The following WDR11 variants were observed in gnomAD, a reference collection of about 807,000 sequenced individuals.
WDR11 encodes the protein WD repeat-containing protein 11.
Under a neutral mutation model 151.2 loss-of-function variants are expected in WDR11, and 83 were observed. That is an observed-to-expected ratio of 0.55 (90% confidence interval 0.46 to 0.66). The LOEUF (loss-of-function observed/expected upper bound fraction) is 0.66. Among genes scored for constraint, WDR11 ranks in the 30% least tolerant of loss-of-function variants. WDR11 has a pLI of 0.00. For synonymous variants in WDR11, 484 were observed against 533.1 expected (o/e 0.91, Z 1.27); for missense variants, 1,301 against 1,480.9 (o/e 0.88, Z 1.99).
chr10:120,899,885 G>C (rs1048346012), intron 19 of WDR11, 144 bp from the exon 20 acceptor site: 3 of 691,020 alleles, frequency 4.3e-6, no homozygotes, highest in Non-Finnish European at 7.7e-6. Flanking sequence ...TGTTTCCTAA[G>C]CGGTGACTAC....
chr10:120,883,987 A>AT (rs1478491373), intron 14 of WDR11, 99 bp downstream of exon 14: 3 of 999,266 alleles, frequency 3.0e-6, no homozygotes, highest in Non-Finnish European at 4.6e-6. Context: ...TGCCAATGTC[A>AT]TTTTTTTGGT....
intron 11 of WDR11, among the ~76,000 whole-genome samples, chr10:120,876,272 G>A (rs1004573320): frequency 6.6e-6 from 1 of 152,012 alleles, no homozygotes; most frequent in Non-Finnish European, 1.5e-5. Context: ...GAGCCACCGC[G>A]CCAGGCCAGG....
chr10:120,851,417 C>T lies in WDR11; in HGVS notation c.-4C>T, dbSNP rs200683907. On this transcript the variant is annotated 5_prime_UTR_variant, in exon 1 of 29. Coordinates refer to ENST00000263461, the MANE Select transcript of WDR11 (RefSeq NM_018117.12). ...AGCGCCCAGGTCCTGGGCTGGCCGC[C>T]GGGATGTTGCCCTACACAGTGAACT... is the stretch of plus-strand genomic sequence containing the variant. 1.1e-4 allele frequency: 182 copies of T among 1,608,930 alleles called. No individual in the cohort carries two copies. The East Asian group carries it at 3.3e-3, about 29-fold the overall frequency.
intron 19 of WDR11, among the ~76,000 whole-genome samples, chr10:120,894,521 T>G (rs1389749690): frequency 1.3e-5 from 2 of 152,168 alleles, no homozygotes; most frequent in East Asian, 3.8e-4. Flanking sequence ...TTAGCTCTCT[T>G]TTTCACCGTT....
At chr10:120,859,595 T>C (rs1846067570) in intron 3 of WDR11, among the ~76,000 whole-genome samples, 1 of 152,220 alleles carries the variant, frequency 6.6e-6, no homozygotes, top group Non-Finnish European at 1.5e-5. Context: ...ACTTAAGTCC[T>C]CCAGTGGCTC....
rs1482879976 is a variant in WDR11 at position 120,908,949 on chromosome 10, A to G, written c.*236A>G. 1.8e-6 allele frequency: 1 copy of G among 551,794 alleles called. No homozygotes were observed. Among genetic ancestry groups the G allele is most frequent in the Middle Eastern group, 5.0e-4 (1 of 2,018 alleles). The allele number at this position is 551,794 out of a possible 1,614,324, so 34.2% of individuals were successfully genotyped here. On this transcript the variant is annotated 3_prime_UTR_variant, in exon 29 of 29. Coordinates refer to ENST00000263461, the MANE Select transcript of WDR11 (RefSeq NM_018117.12). ...ATGCTTAAGATTTTGAAAGTACATAATATTTTATACTTTGGGAGAGAGCTT... is the reference window on the plus strand; with the variant it reads ...ATGCTTAAGATTTTGAAAGTACATAGTATTTTATACTTTGGGAGAGAGCTT...
intron 13 of WDR11, among the ~76,000 whole-genome samples, chr10:120,881,496 TAAC>T (rs998426225): frequency 7.8e-6 from 1 of 128,888 alleles, no homozygotes; most frequent in Non-Finnish European, 1.7e-5. Flanking sequence ...ATTGGTATCT[TAAC>T]AAGTTTTGTA....
rs1024130533 is a variant in WDR11 at position 120,862,146 on chromosome 10, G to GT, written c.527-577dup. Among the ~76,000 whole-genome samples, 628 of 146,302 alleles carry GT rather than the reference G, an allele frequency of 4.3e-3. 3 individuals are homozygous for GT. The highest frequency in any genetic ancestry group is 0.011 in the African/African-American group (447 of 39,840). On this transcript the variant is annotated intron_variant, in intron 4 of 28. Coordinates refer to ENST00000263461, the MANE Select transcript of WDR11 (RefSeq NM_018117.12). Reference sequence around the variant, plus strand: ...TTGTTTGTTTTTTGTTTTTGTTTTTGTTTTTTTTTTTTGAGATGGAATCTT... The same window carrying GT: ...TTGTTTGTTTTTTGTTTTTGTTTTTGTTTTTTTTTTTTTGAGATGGAATCTT...
intron 10 of WDR11, among the ~76,000 whole-genome samples, chr10:120,872,007 A>G (rs1179497312): frequency 6.6e-6 from 1 of 152,214 alleles, no homozygotes; most frequent in Admixed American, 6.5e-5. Flanking sequence ...CATTTCTCCA[A>G]AACTTCTGAA....
intron 21 of WDR11, among the ~76,000 whole-genome samples, chr10:120,901,877 AT>A (rs1847833493): frequency 6.6e-6 from 1 of 152,232 alleles, no homozygotes; most frequent in South Asian, 2.1e-4. Flanking sequence ...TATTTTTGGA[AT>A]AGTTTCAGAA....
intron 13 of WDR11, among the ~76,000 whole-genome samples, chr10:120,882,544 GT>G (rs367918882): frequency 7.7e-5 from 11 of 142,452 alleles, no homozygotes; most frequent in East Asian, 2.1e-4. Context: ...ATTCAGTTTT[GT>G]TTTTTTTTTT....
At chr10:120,864,902 T>A in intron 5 of WDR11, 145 bp from the exon 6 acceptor site, 1 of 845,726 alleles carries the variant, frequency 1.2e-6, no homozygotes, top group South Asian at 1.7e-5. Context: ...GATCTAAGTT[T>A]TGGATGCCAA....
At position 120,864,758 on chromosome 10, in the gene WDR11, T is replaced by C. The variant is rs7076911; in HGVS notation, c.714-289T>C. ...TTATGCATGCCAGCTATTATTATAT[T>C]ATCATTTACCATGTCTTGTGTAATA... On this transcript the variant is annotated intron_variant, in intron 5 of 28. Transcript: ENST00000263461. Among the ~76,000 whole-genome samples, 55,582 of 151,970 alleles carry C rather than the reference T, an allele frequency of 0.37. 10,208 individuals are homozygous for C. The highest frequency in any genetic ancestry group is 0.44 in the Admixed American group (6,659 of 15,262).
chr10:120,888,463 C>T (rs1047611016), intron 16 of WDR11, among the ~76,000 whole-genome samples: 1 of 152,232 alleles, frequency 6.6e-6, no homozygotes, highest in African/African-American at 2.4e-5. Context: ...AAGTTCCTTT[C>T]TTCCTCCAAG....
At chr10:120,890,348 G>T (rs996447092) in intron 18 of WDR11, among the ~76,000 whole-genome samples, 5 of 152,130 alleles carry the variant, frequency 3.3e-5, no homozygotes, top group African/African-American at 1.2e-4. Flanking sequence ...TAGTAGCTGG[G>T]ATTATAGGCA....
chr10:120,876,825 G>C (rs1304679125), intron 11 of WDR11, among the ~76,000 whole-genome samples: 1 of 152,180 alleles, frequency 6.6e-6, no homozygotes, highest in Admixed American at 6.5e-5. Flanking sequence ...CCAGTCTACA[G>C]AGTAAGAAAC....
chr10:120,886,152 T>C (rs1444075882), intron 15 of WDR11, among the ~76,000 whole-genome samples: 2 of 152,226 alleles, frequency 1.3e-5, no homozygotes, highest in African/African-American at 4.8e-5. Flanking sequence ...TAATAACATA[T>C]GCAGTAATAT....
In WDR11 at chr10:120,880,834, AT is replaced by A; in HGVS notation, c.1674del (p.Ile558MetfsTer16). 1 of 1,603,858 alleles carries A rather than the reference AT, an allele frequency of 6.2e-7. No individual in the cohort carries two copies. The highest frequency in any genetic ancestry group is 8.5e-7 in the Non-Finnish European group (1 of 1,173,508). On this transcript the variant is annotated frameshift_variant, in exon 13 of 29. Coordinates refer to ENST00000263461, the MANE Select transcript of WDR11 (RefSeq NM_018117.12). LOFTEE classifies it high-confidence loss of function. The stretch of plus-strand genomic sequence containing the variant: ...AATATTTGCAATTAAAGGTAGGAGC[AT>A]TGCTTTTCGTGGTGAAAGAGGCAAT... ...QLVDLPTGRS[I>X]AFRGERGNDE... is the part of the protein sequence containing the mutation.
Position 120,865,762 on chromosome 10 carries a change from A to G in WDR11, c.994+18A>G, listed in dbSNP as rs1846291478. The G allele has an allele frequency of 2.0e-6, 3 of 1,501,120 alleles. No homozygotes were observed. The highest frequency in any genetic ancestry group is 2.8e-6 in the Non-Finnish European group (3 of 1,080,314). 93.0% of individuals were successfully genotyped at this position (1,501,120 alleles called of 1,614,324 possible). On this transcript the variant is annotated intron_variant, in intron 7 of 28. Transcript: ENST00000263461. ...GGAACCAGGTGAGTTTCTGTCTCAC[A>G]ATAATGTTATATTTTTCTTCAAAAT...
Sources: allele counts gnomAD v4.1 joint callset (sites outside exome capture counted in the v4.1 genomes callset), GRCh38; gene constraint gnomAD v4.1.1; transcripts MANE v1.5; gene names NCBI Gene and HGNC (gene_info 2026-07-23, HGNC 2026-07-21).